CNTN4: variants seen among roughly 807,000 people sequenced by gnomAD.
The protein encoded by CNTN4 is contactin 4.
A neutral mutation model predicts 122.5 loss-of-function variants in CNTN4; 77 were observed. That is an observed-to-expected ratio of 0.63 (90% CI 0.52 to 0.76). The LOEUF is 0.76. CNTN4 is among the 30% of genes least tolerant of loss of function. The pLI is 0.00. For missense variants in CNTN4, 1,256 were observed against 1,259.1 expected (o/e 1.00, Z 0.04); for synonymous variants, 512 against 447.0 (o/e 1.15, Z -1.83).
chr3:2,607,841 T>C (rs1350506121), intron 4 of CNTN4, among the ~76,000 whole-genome samples: 31 of 152,144 alleles, frequency 2.0e-4, no homozygotes, highest in Admixed American at 2.0e-3. Context: ...AGGGTATCAA[T>C]TTATGATTTT....
chr3:2,216,558 G>A (rs957217226), intron 2 of CNTN4, among the ~76,000 whole-genome samples: 2 of 152,004 alleles, frequency 1.3e-5, no homozygotes, highest in Admixed American at 6.6e-5. Context: ...AAAAAAGAAT[G>A]CAAAACAAAC....
At chr3:2,363,951 C>T (rs2045267651) in intron 3 of CNTN4, among the ~76,000 whole-genome samples, 1 of 152,072 alleles carries the variant, frequency 6.6e-6, no homozygotes, top group African/African-American at 2.4e-5. Flanking sequence ...TGCATATTTC[C>T]AGTTATATGA....
chr3:2,221,455 A>T (rs1416593307), intron 2 of CNTN4, among the ~76,000 whole-genome samples: 1 of 151,974 alleles, frequency 6.6e-6, no homozygotes, highest in Non-Finnish European at 1.5e-5. Flanking sequence ...TGAGAAGAAA[A>T]CATGGGAGAA....
intron 4 of CNTN4, among the ~76,000 whole-genome samples, chr3:2,616,263 G>T (rs1316093500): frequency 5.9e-5 from 9 of 151,470 alleles, no homozygotes; most frequent in African/African-American, 1.9e-4. Flanking sequence ...TTCTGTTCTT[G>T]TGTCAGTTTG....
At chr3:2,894,573 A>G (rs1261557427) in intron 10 of CNTN4, among the ~76,000 whole-genome samples, 2 of 152,210 alleles carry the variant, frequency 1.3e-5, no homozygotes, top group South Asian at 2.1e-4. Context: ...TAGATATTCC[A>G]TATATTAGTA....
intron 6 of CNTN4, among the ~76,000 whole-genome samples, chr3:2,768,047 A>G (rs1314791357): frequency 6.6e-6 from 1 of 152,256 alleles, no homozygotes; most frequent in African/African-American, 2.4e-5. Context: ...AAATGTAGGT[A>G]AAATGGTCAG....
intron 6 of CNTN4, among the ~76,000 whole-genome samples, chr3:2,782,390 A>C (rs2091630892): frequency 6.6e-6 from 1 of 151,066 alleles, no homozygotes; most frequent in Non-Finnish European, 1.5e-5. Flanking sequence ...GCATCTTTTC[A>C]CTAAAGAGCT....
intron 14 of CNTN4, among the ~76,000 whole-genome samples, chr3:3,001,513 T>C (rs1003139303): frequency 2.6e-5 from 4 of 152,318 alleles, no homozygotes. Context: ...ACCCACAGAC[T>C]TGTATTGTTT....
intron 3 of CNTN4, among the ~76,000 whole-genome samples, chr3:2,410,783 G>T (rs1374072340): frequency 6.6e-6 from 1 of 152,164 alleles, no homozygotes; most frequent in Non-Finnish European, 1.5e-5. Flanking sequence ...ATGTGAATAA[G>T]CTTGGGGATA....
intron 3 of CNTN4, among the ~76,000 whole-genome samples, chr3:2,473,145 C>T (rs1223037219): frequency 2.7e-5 from 4 of 150,816 alleles, no homozygotes; most frequent in African/African-American, 7.3e-5. Context: ...GCAGGAGAAT[C>T]GCTTGAACCC....
At chr3:2,372,165 G>T (rs1033736487) in intron 3 of CNTN4, among the ~76,000 whole-genome samples, 4 of 151,998 alleles carry the variant, frequency 2.6e-5, no homozygotes, top group South Asian at 4.2e-4. Flanking sequence ...CTGGGGAGGG[G>T]GTAATGACAA....
At chr3:2,262,432 T>C (rs28456673) in intron 2 of CNTN4, 1 of 152,268 alleles carries the variant, frequency 6.6e-6, no homozygotes, top group African/African-American at 2.4e-5. Flanking sequence ...CATGCTGAGG[T>C]AAGGCAAACA....
chr3:2,865,366 C>T (rs1195584398), intron 7 of CNTN4, among the ~76,000 whole-genome samples: 1 of 152,128 alleles, frequency 6.6e-6, no homozygotes, highest in African/African-American at 2.4e-5. Context: ...ACAATTGGGA[C>T]ACATTGAAGG....
chr3:2,816,345 C>G (rs1340094098), intron 6 of CNTN4, among the ~76,000 whole-genome samples: 2 of 149,682 alleles, frequency 1.3e-5, no homozygotes, highest in Admixed American at 6.6e-5. Flanking sequence ...CAGAGCGAGA[C>G]TCCATCTCAA....
At chr3:2,400,451 C>CATATA in intron 3 of CNTN4, among the ~76,000 whole-genome samples, 1 of 107,980 alleles carries the variant, frequency 9.3e-6, no homozygotes, top group Non-Finnish European at 2.0e-5. Flanking sequence ...ATATATATAT[C>CATATA]TCTTTTTTTC....
In CNTN4 at chr3:2,812,585, T is replaced by C. The variant is rs187515270; in HGVS notation, c.359-6901T>C. ...TTGTTTTGTTTTGTTTTTTTGTTTT[T>C]TTGCCACAGTAGTGTTGACTTGGCC... On this transcript the variant is annotated intron_variant, in intron 6 of 24. Transcript: ENST00000418658. Among the ~76,000 whole-genome samples the C allele has an allele frequency of 1.7e-3, 254 of 152,238 alleles. 6 individuals carry two copies. Among genetic ancestry groups the C allele is most frequent in the Non-Finnish European group, 3.4e-4 (23 of 68,002 alleles).
At chr3:2,147,659 T>C (rs2035309258) in intron 2 of CNTN4, among the ~76,000 whole-genome samples, 1 of 152,184 alleles carries the variant, frequency 6.6e-6, no homozygotes. Context: ...CTCAACAGGC[T>C]TCACTGGCTC....
intron 8 of CNTN4, among the ~76,000 whole-genome samples, chr3:2,882,191 C>A (rs535862904): frequency 6.6e-6 from 1 of 151,860 alleles, no homozygotes; most frequent in African/African-American, 2.4e-5. Context: ...GGTGAAACCC[C>A]GTCTCCACTA....
chr3:2,906,445 A>C (rs567485331), intron 12 of CNTN4, among the ~76,000 whole-genome samples: 99 of 152,300 alleles, frequency 6.5e-4, no homozygotes, highest in African/African-American at 2.2e-3. Context: ...TATGTAATAG[A>C]TACAATTGTG....
Sources: allele counts gnomAD v4.1 joint callset (sites outside exome capture counted in the v4.1 genomes callset), GRCh38; gene constraint gnomAD v4.1.1; transcripts MANE v1.5; gene names NCBI Gene and HGNC (gene_info 2026-07-23, HGNC 2026-07-21).